The following PRIMA1 variants were observed in gnomAD, a reference collection of about 807,000 sequenced individuals.
PRIMA1 encodes proline rich membrane anchor 1.
A neutral mutation model predicts 17.5 loss-of-function variants in PRIMA1; 7 were observed. The ratio of observed to expected loss-of-function variants is 0.40; its 90% CI spans 0.23 to 0.75. The LOEUF is 0.75. Among genes scored for constraint, PRIMA1 ranks in the 30% least tolerant of loss-of-function variants. The pLI, the probability that PRIMA1 is intolerant of heterozygous loss-of-function variation, is 0.37. For missense variants in PRIMA1, 200 were observed against 201.8 expected (o/e 0.99, Z 0.05); for synonymous variants, 97 against 77.9 (o/e 1.25, Z -1.29).
intron 3 of PRIMA1, among the ~76,000 whole-genome samples, chr14:93,768,902 T>C (rs1040631543): frequency 6.8e-6 from 1 of 147,432 alleles, no homozygotes; most frequent in Admixed American, 7.0e-5. Context: ...ACCTCCAGGG[T>C]TCAAGCGATT....
In PRIMA1 at chr14:93,718,758, C is replaced by G. The variant is rs2076019223; in HGVS notation, c.*2686G>C. On this transcript the variant is annotated 3_prime_UTR_variant, in exon 5 of 5. Transcript: ENST00000393140. The stretch of plus-strand genomic sequence containing the variant: ...TCCTTTAGAAGCTTCTTAGGAACAC[C>G]TGAAACCTCTGGGAGATCCTATGAT... The G allele has an allele frequency of 6.6e-6, 1 of 152,466 alleles. No homozygotes were observed. Among genetic ancestry groups the G allele is most frequent in the Non-Finnish European group, 1.5e-5 (1 of 68,018 alleles). The allele number at this position is 152,466 out of a possible 1,614,324, so 9.4% of individuals were successfully genotyped here.
At chr14:93,728,164 G>A (rs1281010419) in intron 4 of PRIMA1, among the ~76,000 whole-genome samples, 1 of 152,186 alleles carries the variant, frequency 6.6e-6, no homozygotes, top group Non-Finnish European at 1.5e-5. Flanking sequence ...CCACCTCCAT[G>A]GTCCTGTGGG....
intron 3 of PRIMA1, among the ~76,000 whole-genome samples, chr14:93,752,138 C>A (rs1242461552): frequency 6.6e-6 from 1 of 152,180 alleles, no homozygotes; most frequent in African/African-American, 2.4e-5. Flanking sequence ...ATGGAGACAG[C>A]CACCCGGATC....
chr14:93,778,501 C>T (rs1055929492), intron 3 of PRIMA1, among the ~76,000 whole-genome samples: 3 of 152,194 alleles, frequency 2.0e-5, no homozygotes, highest in African/African-American at 2.4e-5. Flanking sequence ...GACATGATCA[C>T]GGGCATCCTA....
At chr14:93,755,232 A>G (rs2076283633) in intron 3 of PRIMA1, among the ~76,000 whole-genome samples, 1 of 152,074 alleles carries the variant, frequency 6.6e-6, no homozygotes, top group Non-Finnish European at 1.5e-5. Context: ...GTGTGTGTGT[A>G]TATATGTATC....
intron 3 of PRIMA1, among the ~76,000 whole-genome samples, chr14:93,772,467 T>C (rs1025031203): frequency 6.6e-6 from 1 of 152,256 alleles, no homozygotes; most frequent in Admixed American, 6.5e-5. Context: ...GCTTGAGGGC[T>C]GGTACACATC....
chr14:93,788,383 C>G (rs138492507), intron 1 of PRIMA1, 27 bp downstream of exon 1: 1 of 152,692 alleles, frequency 6.5e-6, no homozygotes, highest in Admixed American at 6.5e-5. Context: ...CCATCTCCGC[C>G]CGCACCCTTC....
chr14:93,738,458 A>G (rs1052291911), intron 3 of PRIMA1, among the ~76,000 whole-genome samples: 14 of 152,200 alleles, frequency 9.2e-5, no homozygotes, highest in African/African-American at 3.4e-4. Flanking sequence ...GGAGGAAGGA[A>G]GGGATGGACG....
At chr14:93,747,789 TGA>T (rs777322831) in intron 3 of PRIMA1, among the ~76,000 whole-genome samples, 102 of 49,974 alleles carry the variant, frequency 2.0e-3, no homozygotes, top group Non-Finnish European at 4.6e-3. Context: ...TATGAGTATG[TGA>T]GAGTGTAAGG....
At chr14:93,770,808 A>G (rs1885037280) in intron 3 of PRIMA1, among the ~76,000 whole-genome samples, 1 of 152,166 alleles carries the variant, frequency 6.6e-6, no homozygotes, top group Non-Finnish European at 1.5e-5. Flanking sequence ...CCCAGCACCT[A>G]GTACCTAGTG....
intron 4 of PRIMA1, among the ~76,000 whole-genome samples, chr14:93,729,002 T>G (rs1321605427): frequency 6.6e-6 from 1 of 152,160 alleles, no homozygotes; most frequent in African/African-American, 2.4e-5. Context: ...TGGCCTGACC[T>G]CTTCCTGGAT....
At chr14:93,763,515 C>A (rs60462644) in intron 3 of PRIMA1, among the ~76,000 whole-genome samples, 2,367 of 152,304 alleles carry the variant, frequency 0.016, 52 homozygotes, top group African/African-American at 0.054. Context: ...TCTTCCATGG[C>A]CCCCAGCCGA....
chr14:93,763,756 C>G (rs991456291), intron 3 of PRIMA1, among the ~76,000 whole-genome samples: 1 of 152,120 alleles, frequency 6.6e-6, no homozygotes, highest in Admixed American at 6.5e-5. Context: ...TTCTCCTTCC[C>G]TCTGGTCCTC....
intron 3 of PRIMA1, among the ~76,000 whole-genome samples, chr14:93,773,724 G>T (rs561194956): frequency 6.6e-6 from 1 of 152,292 alleles, no homozygotes; most frequent in East Asian, 1.9e-4. Context: ...CACAGATCTG[G>T]GCCTGCCACA....
At chr14:93,747,676 GAC>G (rs2076228565) in intron 3 of PRIMA1, among the ~76,000 whole-genome samples, 1 of 151,410 alleles carries the variant, frequency 6.6e-6, no homozygotes, top group African/African-American at 2.4e-5. Context: ...GTGAGTGTGT[GAC>G]AGAGTACATG....
At chr14:93,777,994 G>A (rs533243494) in intron 3 of PRIMA1, among the ~76,000 whole-genome samples, 1 of 152,356 alleles carries the variant, frequency 6.6e-6, no homozygotes, top group Admixed American at 6.5e-5. Flanking sequence ...AAGAGTAGGT[G>A]CAGGCCCAGG....
At chr14:93,778,980 T>C (rs1885302599) in intron 3 of PRIMA1, among the ~76,000 whole-genome samples, 196 bp downstream of exon 3, 1 of 151,946 alleles carries the variant, frequency 6.6e-6, no homozygotes, top group Non-Finnish European at 1.5e-5. Context: ...GAAACATCCT[T>C]CTCCATCTTG....
chr14:93,729,043 G>C (rs2076097561), intron 4 of PRIMA1, among the ~76,000 whole-genome samples: 2 of 152,322 alleles, frequency 1.3e-5, no homozygotes, highest in East Asian at 3.9e-4. Context: ...TGAGGACACT[G>C]CATCTTCTGG....
intron 4 of PRIMA1, among the ~76,000 whole-genome samples, 194 bp from the exon 5 acceptor site, chr14:93,721,740 G>A (rs1035732431): frequency 5.9e-5 from 9 of 152,188 alleles, no homozygotes; most frequent in African/African-American, 1.4e-4. Flanking sequence ...GAAGCTGGAC[G>A]TGGTCTTAAC....
Sources: allele counts gnomAD v4.1 joint callset (sites outside exome capture counted in the v4.1 genomes callset), GRCh38; gene constraint gnomAD v4.1.1; transcripts MANE v1.5; gene names NCBI Gene and HGNC (gene_info 2026-07-23, HGNC 2026-07-21).